DUSP22: variants seen among roughly 807,000 people sequenced by gnomAD.
The protein encoded by DUSP22 is dual specificity phosphatase 22, also known as dual specificity protein phosphatase 22.
A neutral mutation model predicts 24.5 loss-of-function variants in DUSP22; 24 were observed. The ratio of observed to expected loss-of-function variants is 0.98; its 90% confidence interval spans 0.71 to 1.38. The LOEUF (loss-of-function observed/expected upper bound fraction) is 1.38. Ranked by LOEUF, DUSP22 falls within the 40% of genes most tolerant of loss-of-function variation. DUSP22 has a pLI of 0.00. For missense variants in DUSP22, 330 were observed against 269.2 expected, an observed-to-expected ratio of 1.23 and a Z score of -1.58; for synonymous variants, 160 against 106.4, an observed-to-expected ratio of 1.50 and a Z score of -3.10.
intron 4 of DUSP22, among the ~76,000 whole-genome samples, chr6:335,997 A>G (rs1759347182): frequency 6.6e-6 from 1 of 152,308 alleles, no homozygotes; most frequent in Non-Finnish European, 1.5e-5. Flanking sequence ...GACAGATAGG[A>G]TTAGGTTTTG....
intron 1 of DUSP22, among the ~76,000 whole-genome samples, chr6:298,054 C>T (rs1290182950): frequency 2.0e-5 from 3 of 152,308 alleles, no homozygotes; most frequent in African/African-American, 7.2e-5. Flanking sequence ...GCCACTGCTG[C>T]AGGACTGACA....
rs1275502012 is a variant in DUSP22 at position 351,211 on chromosome 6, G to A, written c.*2260G>A. On this transcript the variant is annotated 3_prime_UTR_variant, in exon 7 of 7. Transcript: ENST00000419235. ...GACGAGCCCAGTGTAGTTGTGTGGC[G>A]TGAACTCTGCCCGTGTGTTCTCAAA... The A allele has an allele frequency of 8.2e-5, 27 of 329,204 alleles. No homozygotes were observed. The highest frequency in any genetic ancestry group is 2.6e-4 in the South Asian group (6 of 22,676). The allele number at this position is 329,204 out of a possible 1,614,324, so 20.4% of individuals were successfully genotyped here.
chr6:294,038 A>C (rs1157948777), intron 1 of DUSP22, among the ~76,000 whole-genome samples: 1 of 152,206 alleles, frequency 6.6e-6, no homozygotes, highest in Non-Finnish European at 1.5e-5. Flanking sequence ...TTCCCACTTG[A>C]GCTGTTCACT....
chr6:344,990 C>T lies in DUSP22; in HGVS notation c.189-864C>T, dbSNP rs1187469833. 5.9e-5 allele frequency among the ~76,000 whole-genome samples: 9 copies of T among 152,416 alleles called. No individual in the cohort carries two copies. In the East Asian group the frequency reaches 1.7e-3, roughly 29 times the overall value. Reference sequence around the variant, plus strand: ...GGGCTCCGATTGAACATGGGGGGCGCCGTCCAGAACTTCCCTCAACCCCAG... The same window carrying T: ...GGGCTCCGATTGAACATGGGGGGCGTCGTCCAGAACTTCCCTCAACCCCAG... On this transcript the variant is annotated intron_variant, in intron 4 of 6. Coordinates refer to ENST00000419235, the MANE Select transcript of DUSP22 (RefSeq NM_001286555.3).
At chr6:343,115 A>C (rs1759687442) in intron 4 of DUSP22, among the ~76,000 whole-genome samples, 1 of 152,184 alleles carries the variant, frequency 6.6e-6, no homozygotes, top group African/African-American at 2.4e-5. Flanking sequence ...GATACCTTAG[A>C]TTTCGGGATT....
rs571581745 is a variant in DUSP22, at chr6:329,964, C to T, written c.139-5150C>T. ...AGGCTTCTGGGAATGTGGTGAAAGT[C>T]GCTCTTGAGAGTTCGCTGGCTGGTT... On this transcript the variant is annotated intron_variant, in intron 3 of 6. Transcript: ENST00000419235. Among the ~76,000 whole-genome samples the T allele has an allele frequency of 5.9e-5, 9 of 152,152 alleles. No individual in the cohort carries two copies. In the South Asian group the frequency reaches 6.2e-4, roughly 11 times the overall value.
At chr6:308,078 C>G (rs1156320972) in intron 2 of DUSP22, among the ~76,000 whole-genome samples, 1 of 152,294 alleles carries the variant, frequency 6.6e-6, no homozygotes, top group Non-Finnish European at 1.5e-5. Flanking sequence ...TCATTCCCTC[C>G]AGGGCTCAGT....
At chr6:327,806 G>T (rs935513307) in intron 3 of DUSP22, among the ~76,000 whole-genome samples, 1 of 152,304 alleles carries the variant, frequency 6.6e-6, no homozygotes, top group East Asian at 1.9e-4. Flanking sequence ...CAGGGACTTG[G>T]CAGGATGGCC....
chr6:333,150 C>T (rs954975652), intron 3 of DUSP22, among the ~76,000 whole-genome samples: 2 of 152,306 alleles, frequency 1.3e-5, no homozygotes, highest in African/African-American at 4.8e-5. Context: ...GTGTTCCCAG[C>T]AGAGCACAGC....
intron 2 of DUSP22, among the ~76,000 whole-genome samples, chr6:309,307 T>C (rs1479133906): frequency 1.3e-5 from 2 of 152,310 alleles, no homozygotes; most frequent in Non-Finnish European, 2.9e-5. Flanking sequence ...AAAGGGCTCA[T>C]GTTCCTCGTA....
chr6:329,122 C>T (rs1477739053), intron 3 of DUSP22, among the ~76,000 whole-genome samples: 2 of 152,306 alleles, frequency 1.3e-5, no homozygotes, highest in South Asian at 2.1e-4. Context: ...AAAGAGGAGA[C>T]AGCTCATCAA....
At chr6:307,509 G>A (rs1225245398) in intron 2 of DUSP22, among the ~76,000 whole-genome samples, 1 of 152,306 alleles carries the variant, frequency 6.6e-6, no homozygotes, top group Non-Finnish European at 1.5e-5. Flanking sequence ...CCGGTCTTTG[G>A]GTCTTCGATG....
rs796351462 is a variant in DUSP22 at position 315,511 on chromosome 6, G to A, written c.138+3549G>A. Among the ~76,000 whole-genome samples the A allele has an allele frequency of 4.6e-5, 7 of 152,302 alleles. No individual in the cohort carries two copies. In the South Asian group the frequency reaches 6.2e-4, roughly 13 times the overall value. ...CACTGCCTCTGTTCTCTCCTAGCAC[G>A]ACTGATGTTTCTGATATCCTTAGTG... is the stretch of plus-strand genomic sequence containing the variant. On this transcript the variant is annotated intron_variant, in intron 3 of 6. Transcript: ENST00000419235.
At chr6:340,453 G>C (rs1339899107) in intron 4 of DUSP22, among the ~76,000 whole-genome samples, 1 of 152,300 alleles carries the variant, frequency 6.6e-6, no homozygotes, top group Non-Finnish European at 1.5e-5. Flanking sequence ...GCAGCTCTCT[G>C]TTATGAAACC....
At chr6:294,790 G>A (rs1271784452) in intron 1 of DUSP22, among the ~76,000 whole-genome samples, 2 of 152,274 alleles carry the variant, frequency 1.3e-5, no homozygotes, top group African/African-American at 4.8e-5. Context: ...GTGGGGGTGA[G>A]AGAGAGAACA....
intron 3 of DUSP22, among the ~76,000 whole-genome samples, chr6:313,576 T>TA (rs1231296167): frequency 4.6e-5 from 7 of 152,298 alleles, no homozygotes; most frequent in African/African-American, 1.2e-4. Flanking sequence ...ATTCTGCCTT[T>TA]AAAAAAAGAG....
intron 2 of DUSP22, among the ~76,000 whole-genome samples, chr6:310,731 T>TA (rs1244892352): frequency 6.6e-6 from 1 of 152,306 alleles, no homozygotes; most frequent in African/African-American, 2.4e-5. Flanking sequence ...GCCATTGAAT[T>TA]AAAAAAATAT....
At chr6:335,755 T>C (rs1449528378) in intron 4 of DUSP22, among the ~76,000 whole-genome samples, 5 of 152,308 alleles carry the variant, frequency 3.3e-5, no homozygotes, top group Non-Finnish European at 7.3e-5. Context: ...CACATCTCCG[T>C]TCAGACCAGC....
chr6:349,504 G>C lies in DUSP22; in HGVS notation c.*553G>C, dbSNP rs1363922491. The C allele has an allele frequency of 1.0e-6, 1 of 994,676 alleles. No individual in the cohort carries two copies. The highest frequency in any genetic ancestry group is 1.7e-5 in the African/African-American group (1 of 57,430). 61.6% of individuals were successfully genotyped at this position (994,676 alleles called of 1,614,324 possible). On this transcript the variant is annotated 3_prime_UTR_variant, in exon 7 of 7. Coordinates refer to ENST00000419235, the MANE Select transcript of DUSP22 (RefSeq NM_001286555.3). ...AGCAGTCTGTGCCTCTGAGCAGACCGTGAGAACTCAGGGGACGAGTGGCTA... is the reference window on the plus strand; with the variant it reads ...AGCAGTCTGTGCCTCTGAGCAGACCCTGAGAACTCAGGGGACGAGTGGCTA...
Sources: allele counts gnomAD v4.1 joint callset (sites outside exome capture counted in the v4.1 genomes callset), GRCh38; gene constraint gnomAD v4.1.1; transcripts MANE v1.5; gene names NCBI Gene and HGNC (gene_info 2026-07-23, HGNC 2026-07-21).